Variants in TMEM132D observed in about 807,000 individuals in gnomAD.
TMEM132D encodes the protein mature OL transmembrane protein.
TMEM132D carries 21 observed loss-of-function variants against 62.3 expected under a neutral mutation model. That is an observed-to-expected ratio of 0.34 (90% confidence interval 0.24 to 0.49). The LOEUF is 0.49. Among genes scored for constraint, TMEM132D ranks in the 20% least tolerant of loss-of-function variants. The pLI is 0.99. For synonymous variants in TMEM132D, 621 were observed against 575.6 expected, an observed-to-expected ratio of 1.08 and a Z score of -1.13; for missense variants, 1,346 against 1,402.8, an observed-to-expected ratio of 0.96 and a Z score of 0.65.
intron 4 of TMEM132D, among the ~76,000 whole-genome samples, chr12:129,286,237 CAGA>C (rs1881293850): frequency 6.6e-6 from 1 of 152,276 alleles, no homozygotes; most frequent in African/African-American, 2.4e-5. Context: ...GACGGCAAAG[CAGA>C]AGGAGTACAG....
At chr12:129,503,324 G>T (rs1374941171) in intron 3 of TMEM132D, among the ~76,000 whole-genome samples, 1 of 152,162 alleles carries the variant, frequency 6.6e-6, no homozygotes, top group Non-Finnish European at 1.5e-5. Flanking sequence ...ACCCAAAGAA[G>T]CAAATGGATT....
intron 1 of TMEM132D, among the ~76,000 whole-genome samples, chr12:129,749,061 G>A (rs1290889778): frequency 1.3e-5 from 2 of 152,344 alleles, no homozygotes; most frequent in East Asian, 3.9e-4. Flanking sequence ...GGGTGGCAAA[G>A]GGATGCTGCT....
chr12:129,192,020 C>T (rs1325973396), intron 5 of TMEM132D, among the ~76,000 whole-genome samples: 1 of 152,196 alleles, frequency 6.6e-6, no homozygotes, highest in East Asian at 1.9e-4. Context: ...CTTCTGAACC[C>T]TGGGTCTCTA....
intron 3 of TMEM132D, among the ~76,000 whole-genome samples, chr12:129,425,478 G>A (rs192542511): frequency 8.7e-5 from 13 of 149,548 alleles, no homozygotes; most frequent in East Asian, 4.0e-4. Flanking sequence ...CTGACTTTAC[G>A]TTAATTGACA....
intron 5 of TMEM132D, among the ~76,000 whole-genome samples, chr12:129,120,844 T>A (rs753566470): frequency 3.3e-5 from 5 of 152,138 alleles, no homozygotes; most frequent in Non-Finnish European, 5.9e-5. Context: ...TTTTTTTGTT[T>A]CGGTATTTGT....
At chr12:129,420,316 T>TG (rs201777666) in intron 3 of TMEM132D, among the ~76,000 whole-genome samples, 2 of 59,208 alleles carry the variant, frequency 3.4e-5, no homozygotes, top group Admixed American at 1.5e-4. Context: ...GTTTTTTTTT[T>TG]TTTTTTTTTT....
At chr12:129,357,272 G>C (rs1870097435) in intron 3 of TMEM132D, among the ~76,000 whole-genome samples, 1 of 147,904 alleles carries the variant, frequency 6.8e-6, no homozygotes, top group Non-Finnish European at 1.5e-5. Context: ...AAAGAAAGAA[G>C]GGAGGGAGGG....
intron 5 of TMEM132D, among the ~76,000 whole-genome samples, chr12:129,158,156 G>T (rs779837663): frequency 6.6e-6 from 1 of 152,102 alleles, no homozygotes; most frequent in Admixed American, 6.6e-5. Flanking sequence ...GAGAGATGAC[G>T]GTAGCAGGGC....
chr12:129,281,040 C>T (rs1881130658), intron 4 of TMEM132D, among the ~76,000 whole-genome samples: 1 of 152,126 alleles, frequency 6.6e-6, no homozygotes, highest in South Asian at 2.1e-4. Flanking sequence ...ATATGAAACC[C>T]CCAGGAAATA....
chr12:129,755,432 A>G (rs919418478), intron 1 of TMEM132D, among the ~76,000 whole-genome samples: 5 of 152,190 alleles, frequency 3.3e-5, no homozygotes. Flanking sequence ...GGATTAGTGC[A>G]TTATATGGAC....
chr12:129,620,274 C>T (rs1221768266), intron 2 of TMEM132D, among the ~76,000 whole-genome samples: 3 of 152,172 alleles, frequency 2.0e-5, no homozygotes, highest in African/African-American at 7.2e-5. Context: ...CTAGTGTATT[C>T]TCCACACAGA....
chr12:129,434,819 A>G (rs79756139), intron 3 of TMEM132D, among the ~76,000 whole-genome samples: 3,198 of 152,314 alleles, frequency 0.021, 97 homozygotes, highest in African/African-American at 0.072. Flanking sequence ...TTTGGTGAGA[A>G]CATTCAAAAC....
chr12:129,588,879 G>C (rs970147152), intron 2 of TMEM132D, among the ~76,000 whole-genome samples: 4 of 151,130 alleles, frequency 2.6e-5, no homozygotes, highest in Non-Finnish European at 4.4e-5. Context: ...AAAATGGAAA[G>C]TAGCAACAAA....
chr12:129,871,600 A>T (rs957738684), intron 1 of TMEM132D, among the ~76,000 whole-genome samples: 1 of 152,140 alleles, frequency 6.6e-6, no homozygotes, highest in African/African-American at 2.4e-5. Flanking sequence ...GCAACTTAGG[A>T]AGTGTCTCAA....
chr12:129,479,754 G>A (rs1429079703), intron 3 of TMEM132D, among the ~76,000 whole-genome samples: 2 of 151,274 alleles, frequency 1.3e-5, no homozygotes, highest in Non-Finnish European at 2.9e-5. Flanking sequence ...GAGATTTGAA[G>A]AAAGTTCTCA....
In TMEM132D at chr12:129,558,933, G is replaced by A. The variant is rs141348611; in HGVS notation, c.969-27728C>T. On this transcript the variant is annotated intron_variant, in intron 2 of 8. Transcript: ENST00000422113. Reference sequence around the variant, plus strand: ...TACGACAAAAACTGTACAGTAATCCGTCATCAAGAGTGATATTTCAAGATC... The same window carrying A: ...TACGACAAAAACTGTACAGTAATCCATCATCAAGAGTGATATTTCAAGATC... Among the ~76,000 whole-genome samples the A allele has an allele frequency of 4.9e-4, 74 of 152,266 alleles. No homozygotes were observed. In the East Asian group the frequency reaches 9.1e-3, roughly 19 times the overall value.
intron 4 of TMEM132D, among the ~76,000 whole-genome samples, chr12:129,298,709 A>G (rs762562551): frequency 4.6e-5 from 7 of 152,148 alleles, no homozygotes; most frequent in African/African-American, 1.7e-4. Context: ...TTTAGATTTC[A>G]CATATGAGTG....
intron 2 of TMEM132D, among the ~76,000 whole-genome samples, chr12:129,615,741 A>AT (rs1878896297): frequency 6.6e-6 from 1 of 151,402 alleles, no homozygotes; most frequent in Non-Finnish European, 1.5e-5. Context: ...CACAGCCTGG[A>AT]TGACAGAGCA....
chr12:129,589,868 A>G (rs1878142135), intron 2 of TMEM132D, among the ~76,000 whole-genome samples: 1 of 152,178 alleles, frequency 6.6e-6, no homozygotes, highest in African/African-American at 2.4e-5. Context: ...AATAGATTTC[A>G]TCTCCTGGAT....
Sources: allele counts gnomAD v4.1 joint callset (sites outside exome capture counted in the v4.1 genomes callset), GRCh38; gene constraint gnomAD v4.1.1; transcripts MANE v1.5; gene names NCBI Gene and HGNC (gene_info 2026-07-23, HGNC 2026-07-21).